Variants in CNTNAP5 observed in about 807,000 individuals in gnomAD.
The protein encoded by CNTNAP5 is contactin-associated protein-like 5.
Under a neutral mutation model 150.2 loss-of-function variants are expected in CNTNAP5, and 72 were observed. That is an observed-to-expected ratio of 0.48 (90% CI 0.40 to 0.58). The LOEUF (loss-of-function observed/expected upper bound fraction) is 0.58. Among genes scored for constraint, CNTNAP5 ranks in the 20% least tolerant of loss-of-function variants. CNTNAP5 has a pLI of 0.00. For missense variants in CNTNAP5, 1,636 were observed against 1,626.2 expected (o/e 1.01, Z -0.10); for synonymous variants, 672 against 619.8 (o/e 1.08, Z -1.25).
chr2:124,430,202 G>A (rs945196732), intron 4 of CNTNAP5, among the ~76,000 whole-genome samples: 9 of 152,134 alleles, frequency 5.9e-5, no homozygotes, highest in African/African-American at 9.7e-5. Flanking sequence ...AGTGGGCAGC[G>A]CATGGGAAAG....
intron 3 of CNTNAP5, among the ~76,000 whole-genome samples, chr2:124,394,385 A>G (rs1404779621): frequency 5.3e-5 from 8 of 151,728 alleles, no homozygotes; most frequent in Non-Finnish European, 7.4e-5. Flanking sequence ...AAAAAAAAAA[A>G]AAAGAAAAGA....
chr2:124,625,286 C>G (rs1328081937), intron 12 of CNTNAP5, among the ~76,000 whole-genome samples: 1 of 152,134 alleles, frequency 6.6e-6, no homozygotes, highest in Non-Finnish European at 1.5e-5. Flanking sequence ...ACCCACTTTT[C>G]CAGGTTTTCC....
intron 10 of CNTNAP5, among the ~76,000 whole-genome samples, chr2:124,540,063 A>G (rs1264686339): frequency 6.6e-6 from 1 of 152,190 alleles, no homozygotes; most frequent in Non-Finnish European, 1.5e-5. Flanking sequence ...GGGAGAATGC[A>G]GATTAAGTTG....
intron 1 of CNTNAP5, among the ~76,000 whole-genome samples, chr2:124,100,616 C>T (rs897637250): frequency 3.3e-5 from 5 of 151,870 alleles, no homozygotes; most frequent in Non-Finnish European, 5.9e-5. Context: ...TCATAATTCC[C>T]GAACTTTGGG....
chr2:124,443,929 T>C (rs1692739689), intron 5 of CNTNAP5, among the ~76,000 whole-genome samples: 1 of 152,058 alleles, frequency 6.6e-6, no homozygotes, highest in Admixed American at 6.6e-5. Context: ...ATGCCTTTCT[T>C]ATTTTAAGAA....
At chr2:124,159,425 C>T (rs1684622030) in intron 1 of CNTNAP5, among the ~76,000 whole-genome samples, 1 of 152,142 alleles carries the variant, frequency 6.6e-6, no homozygotes, top group Admixed American at 6.6e-5. Flanking sequence ...GAGAGTGTGG[C>T]TGTGTTCCAA....
chr2:124,834,903 C>A (rs1318387508), intron 19 of CNTNAP5, among the ~76,000 whole-genome samples: 5 of 151,616 alleles, frequency 3.3e-5, no homozygotes, highest in Non-Finnish European at 5.9e-5. Context: ...GCTAAGATTT[C>A]ATTTTGTATC....
At chr2:124,756,019 G>A (rs1300836269) in intron 14 of CNTNAP5, among the ~76,000 whole-genome samples, 2 of 152,108 alleles carry the variant, frequency 1.3e-5, no homozygotes, top group South Asian at 4.1e-4. Context: ...TACTGGCTGA[G>A]TTAGCAATAA....
chr2:124,442,982 A>G (rs1692713859), intron 5 of CNTNAP5, among the ~76,000 whole-genome samples: 2 of 152,128 alleles, frequency 1.3e-5, no homozygotes, highest in African/African-American at 4.8e-5. Flanking sequence ...ACTCCTAGGC[A>G]TTTAAATAGT....
At chr2:124,902,536 T>C (rs1678434858) in intron 21 of CNTNAP5, among the ~76,000 whole-genome samples, 1 of 152,200 alleles carries the variant, frequency 6.6e-6, no homozygotes. Context: ...ATGATGCAGA[T>C]AATGATACAA....
chr2:124,230,392 C>T (rs542361714), intron 2 of CNTNAP5, among the ~76,000 whole-genome samples: 5 of 152,182 alleles, frequency 3.3e-5, no homozygotes, highest in African/African-American at 4.8e-5. Context: ...AACACTACAA[C>T]GTCTGCTCTC....
At chr2:124,769,489 C>T (rs1040215891) in intron 16 of CNTNAP5, among the ~76,000 whole-genome samples, 6 of 151,962 alleles carry the variant, frequency 3.9e-5, no homozygotes, top group Admixed American at 3.3e-4. Context: ...GGAAGTTGAA[C>T]TTAGAGGGTA....
At chr2:124,035,468 A>G (rs1681188733) in intron 1 of CNTNAP5, among the ~76,000 whole-genome samples, 1 of 151,824 alleles carries the variant, frequency 6.6e-6, no homozygotes, top group Non-Finnish European at 1.5e-5. Context: ...TGTTGCAATT[A>G]ACTTTTACTA....
rs1195622166 is a variant in CNTNAP5, at chr2:124,384,193, A to C, written c.382-33250A>C. 2.0e-5 allele frequency among the ~76,000 whole-genome samples: 3 copies of C among 152,212 alleles called. No individual in the cohort carries two copies. The East Asian group carries it at 5.8e-4, about 29-fold the overall frequency. Reference sequence around the variant, plus strand: ...AAGTTAAAGAGGTCTCTCTTGTGACATAATGAAGGTCAGATTTTTATAAAT... The same window carrying C: ...AAGTTAAAGAGGTCTCTCTTGTGACCTAATGAAGGTCAGATTTTTATAAAT... On this transcript the variant is annotated intron_variant, in intron 3 of 23. Transcript: ENST00000682447.
At chr2:124,282,508 C>G (rs1381477537) in intron 3 of CNTNAP5, among the ~76,000 whole-genome samples, 1 of 152,124 alleles carries the variant, frequency 6.6e-6, no homozygotes, top group African/African-American at 2.4e-5. Context: ...AGAATATGCT[C>G]ACAGCACCAA....
At chr2:124,445,678 C>A (rs1558905614) in intron 5 of CNTNAP5, among the ~76,000 whole-genome samples, 1 of 152,154 alleles carries the variant, frequency 6.6e-6, no homozygotes, top group Admixed American at 6.5e-5. Context: ...GTGGCAGCTA[C>A]CGCCTGCTGA....
At chr2:124,026,821 G>C (rs774926406) in intron 1 of CNTNAP5, among the ~76,000 whole-genome samples, 16 of 152,178 alleles carry the variant, frequency 1.1e-4, no homozygotes, top group Non-Finnish European at 2.1e-4. Flanking sequence ...AGAACAGTAG[G>C]AAGATTACTT....
intron 3 of CNTNAP5, among the ~76,000 whole-genome samples, chr2:124,342,113 T>C (rs532207441): frequency 6.6e-6 from 1 of 152,268 alleles, no homozygotes; most frequent in East Asian, 1.9e-4. Flanking sequence ...TTCTGAAACA[T>C]GTGTTTTCTC....
intron 1 of CNTNAP5, among the ~76,000 whole-genome samples, chr2:124,045,844 G>A (rs1190493073): frequency 1.3e-5 from 2 of 152,174 alleles, no homozygotes; most frequent in South Asian, 2.1e-4. Flanking sequence ...CTCTCACAGA[G>A]AGTCTTGCTA....
Sources: gnomAD v4.1 joint callset for allele counts (sites outside exome capture counted in the v4.1 genomes callset) on GRCh38, gnomAD v4.1.1 for gene constraint, MANE v1.5 for transcripts, NCBI Gene and HGNC (gene_info 2026-07-23, HGNC 2026-07-21) for gene names.